The following ZNF573 variants were observed in gnomAD, a reference collection of about 807,000 sequenced individuals.
The protein encoded by ZNF573 is zinc finger protein 573.
In ZNF573, 41 loss-of-function variants were observed where a neutral mutation model predicts 57.4. That is an observed-to-expected ratio of 0.71 (90% CI 0.56 to 0.93). The LOEUF is 0.93. ZNF573 is among the 40% of genes least tolerant of loss of function. The probability of loss-of-function intolerance (pLI) is 0.00; values close to 1 mark genes in which losing one functional copy is unlikely to be tolerated. For missense variants in ZNF573, 730 were observed against 794.8 expected, an observed-to-expected ratio of 0.92 and a Z score of 0.98; for synonymous variants, 249 against 261.0, an observed-to-expected ratio of 0.95 and a Z score of 0.44.
intron 4 of ZNF573, among the ~76,000 whole-genome samples, chr19:37,758,253 A>G (rs1356292617): frequency 1.1e-5 from 1 of 95,120 alleles, no homozygotes; most frequent in African/African-American, 4.4e-5. Context: ...ATATATATAT[A>G]TATATATATA....
chr19:37,758,465 G>A (rs1247989641), intron 4 of ZNF573: 1 of 150,780 alleles, frequency 6.6e-6, no homozygotes, highest in Non-Finnish European at 1.5e-5. Flanking sequence ...GCCAGGCTTG[G>A]TGGCACACAC....
At position 37,745,812 on chromosome 19, in the gene ZNF573, G is replaced by T. The variant is rs140459185; in HGVS notation, c.296-5618C>A. ...CTTTATAAGGGTTATAAATAATTCT[G>T]TATTTCTCTATTAACATGGTATGAA... On this transcript the variant is annotated intron_variant, in intron 4 of 4. Coordinates refer to ENST00000536220, the MANE Select transcript of ZNF573 (RefSeq NM_001172690.2). Among the ~76,000 whole-genome samples, 35 of 152,256 alleles carry T rather than the reference G, an allele frequency of 2.3e-4. No individual in the cohort carries two copies. The East Asian group carries it at 6.6e-3, about 29-fold the overall frequency.
At position 37,738,672 on chromosome 19, in the gene ZNF573, A is replaced by G. The variant is rs1464584426; in HGVS notation, c.1818T>C (p.Gly606=). 6.2e-7 allele frequency: 1 copy of G among 1,611,446 alleles called. No homozygotes were observed. Among genetic ancestry groups the G allele is most frequent in the Admixed American group, 1.7e-5 (1 of 59,400 alleles). The change falls in exon 5 of 5, where the codon GGT becomes GGC. Residue 606 remains glycine (G), a synonymous_variant. Transcript: ENST00000536220. ...YLTQHQKIHT[G]GKPYECKECG... ...ATTCTTTACATTCATAAGGTTTTCCACCAGTATGAATTTTCTGATGTTGGG... is the reference window on the plus strand; with the variant it reads ...ATTCTTTACATTCATAAGGTTTTCCGCCAGTATGAATTTTCTGATGTTGGG...
intron 4 of ZNF573, among the ~76,000 whole-genome samples, chr19:37,755,792 T>C (rs955078444): frequency 4.0e-5 from 6 of 150,726 alleles, no homozygotes; most frequent in Non-Finnish European, 7.4e-5. Flanking sequence ...AATGATTTAC[T>C]GTATTTAGAA....
intron 1 of ZNF573, chr19:37,778,649 T>C (rs1304111823): frequency 1.3e-5 from 2 of 152,048 alleles, no homozygotes; most frequent in African/African-American, 4.8e-5. Flanking sequence ...AAAAGCCAAC[T>C]AGCCTAAACA....
At position 37,770,761 on chromosome 19, in the gene ZNF573, G is replaced by A. The variant is rs527360159; in HGVS notation, c.203-664C>T. On this transcript the variant is annotated intron_variant, in intron 3 of 4. Coordinates refer to ENST00000536220, the MANE Select transcript of ZNF573 (RefSeq NM_001172690.2). The stretch of plus-strand genomic sequence containing the variant: ...AAGCAACAGAGCAAGATCCAGTCTC[G>A]AAAAAAATAAATAAATAAATAAGAT... Among the ~76,000 whole-genome samples the A allele has an allele frequency of 3.3e-4, 47 of 141,458 alleles. 1 individual carries two copies. The East Asian group carries it at 8.0e-3, about 24-fold the overall frequency. The allele number at this position is 141,458 out of a possible 152,430, so 92.8% of individuals were successfully genotyped here.
chr19:37,775,099 C>T (rs960336260), intron 1 of ZNF573, among the ~76,000 whole-genome samples: 1 of 150,704 alleles, frequency 6.6e-6, no homozygotes, highest in African/African-American at 2.4e-5. Context: ...TCACTGCAAA[C>T]TCAGGCTTCT....
intron 4 of ZNF573, among the ~76,000 whole-genome samples, chr19:37,753,918 A>G (rs1241298758): frequency 6.6e-6 from 1 of 152,218 alleles, no homozygotes; most frequent in Admixed American, 6.5e-5. Flanking sequence ...TTTCAACTAC[A>G]AAAATAGCCA....
chr19:37,748,822 G>C (rs1336160414), intron 4 of ZNF573, among the ~76,000 whole-genome samples: 1 of 151,644 alleles, frequency 6.6e-6, no homozygotes, highest in Non-Finnish European at 1.5e-5. Context: ...AGCTAACTCG[G>C]AGGCTGAGGC....
chr19:37,747,907 C>T (rs1223264949), intron 4 of ZNF573, among the ~76,000 whole-genome samples: 1 of 152,112 alleles, frequency 6.6e-6, no homozygotes, highest in African/African-American at 2.4e-5. Flanking sequence ...AGGATGGTCT[C>T]GATCTCCTGA....
At position 37,770,052 on chromosome 19, in the gene ZNF573, C is replaced by T. The variant is rs778180572; in HGVS notation, c.248G>A (p.Arg83Gln). The T allele has an allele frequency of 2.9e-5, 45 of 1,551,834 alleles. 1 individual carries two copies. The highest frequency in any genetic ancestry group is 3.6e-5 in the South Asian group (3 of 84,078). The change falls in exon 4 of 5, where the codon CGA becomes CAA. Residue 83 changes from arginine (R) to glutamine (Q), a missense_variant. By Grantham distance (43) the Arg-to-Gln change is conservative. Coordinates refer to ENST00000536220, the MANE Select transcript of ZNF573 (RefSeq NM_001172690.2). ...SKPVVVDLLE[R>Q]GKEPWMILRE... ...CAAAATCATCCAGGGCTCTTTTCCT[C>T]GCTCCAGTAAATCAACCACAACTGG...
chr19:37,745,047 G>C (rs984515697), intron 4 of ZNF573, among the ~76,000 whole-genome samples: 2 of 151,822 alleles, frequency 1.3e-5, no homozygotes, highest in African/African-American at 2.4e-5. Flanking sequence ...CTCCCAAAGT[G>C]CTGGGATTAC....
chr19:37,739,673 G>T lies in ZNF573; in HGVS notation c.817C>A (p.Pro273Thr). Reference sequence around the variant, plus strand: ...TTCCCACATTCCTTACATTTATATGGTTTTTCGCCAGTATGAACTCTCTGA... The same window carrying T: ...TTCCCACATTCCTTACATTTATATGTTTTTTCGCCAGTATGAACTCTCTGA... Reference protein sequence around the residue: ...IHQRVHTGEKPYKCKECGKTF... With the variant: ...IHQRVHTGEKTYKCKECGKTF... The change falls in exon 5 of 5, where the codon CCA becomes ACA. Residue 273 changes from proline to threonine, a missense_variant. By Grantham distance (38) the Pro-to-Thr change is conservative. Transcript: ENST00000536220. 1 of 1,613,862 alleles carries T rather than the reference G, an allele frequency of 6.2e-7. No individual in the cohort carries two copies. The highest frequency in any genetic ancestry group is 8.5e-7 in the Non-Finnish European group (1 of 1,179,952).
chr19:37,743,319 C>A (rs867135975), intron 4 of ZNF573, among the ~76,000 whole-genome samples: 639 of 99,698 alleles, frequency 6.4e-3, no homozygotes, highest in East Asian at 0.011. Flanking sequence ...GAATCCATCT[C>A]AAAAAAAAAA....
At position 37,739,957 on chromosome 19, in the gene ZNF573, G is replaced by GT. The variant is rs1468389345; in HGVS notation, c.532dup (p.Thr178AsnfsTer10). 2 of 1,614,012 alleles carry GT rather than the reference G, an allele frequency of 1.2e-6. No individual in the cohort carries two copies. The highest frequency in any genetic ancestry group is 1.3e-5 in the African/African-American group (1 of 74,928). The stretch of plus-strand genomic sequence containing the variant: ...ACCAGTATGAAATCTTTGATGTAGA[G>GT]TAAGTTGATAGCCACTACGAAAGTT... On this transcript the variant is annotated frameshift_variant, in exon 5 of 5. Transcript: ENST00000536220. LOFTEE classifies it high-confidence loss of function.
Position 37,740,570 on chromosome 19 carries a change from T to C in ZNF573, c.296-376A>G, listed in dbSNP as rs1280736477. ...GGTCAGTGTTTAAGAATACATCCTT[T>C]AAGTTTCTCGAGTGATTTTTCACTG... is the stretch of plus-strand genomic sequence containing the variant. On this transcript the variant is annotated intron_variant, in intron 4 of 4. Coordinates refer to ENST00000536220, the MANE Select transcript of ZNF573 (RefSeq NM_001172690.2). 5 of 460,032 alleles carry C rather than the reference T, an allele frequency of 1.1e-5. No homozygotes were observed. In the Admixed American group the frequency reaches 1.2e-4, roughly 11 times the overall value. The allele number at this position is 460,032 out of a possible 1,614,324, so 28.5% of individuals were successfully genotyped here. A position where few individuals can be genotyped will look rare whatever the true frequency, so the allele number is the denominator to read the frequency against.
Position 37,739,585 on chromosome 19 carries a change from T to C in ZNF573, c.905A>G (p.Tyr302Cys). 1 of 1,614,028 alleles carries C rather than the reference T, an allele frequency of 6.2e-7. No homozygotes were observed. Among genetic ancestry groups the C allele is most frequent in the South Asian group, 1.1e-5 (1 of 91,058 alleles). Reference protein sequence around the residue: ...HGQFHTDEKPYICEKCGKAFR... With the variant: ...HGQFHTDEKPCICEKCGKAFR... ...GGCCTTTCCACATTTCTCACATATG[T>C]ATGGCTTCTCATCAGTATGAAACTG... is the stretch of plus-strand genomic sequence containing the variant. The change falls in exon 5 of 5, where the codon TAC (tyrosine) becomes TGC (cysteine). Residue 302 changes from tyrosine (Y) to cysteine (C), a missense_variant. Physicochemically the swap from Tyr to Cys is radical, Grantham distance 194. Transcript: ENST00000536220.
chr19:37,773,278 A>G (rs1031033707), intron 2 of ZNF573, among the ~76,000 whole-genome samples: 3 of 152,194 alleles, frequency 2.0e-5, no homozygotes, highest in Admixed American at 6.5e-5. Context: ...ATTTGCCTAG[A>G]AAACTCAGGT....
chr19:37,762,370 G>C (rs2045560667), intron 4 of ZNF573, among the ~76,000 whole-genome samples: 1 of 152,180 alleles, frequency 6.6e-6, no homozygotes, highest in Admixed American at 6.5e-5. Flanking sequence ...GAGAAATTTG[G>C]ATGTGGACTG....
Sources: allele counts gnomAD v4.1 joint callset (sites outside exome capture counted in the v4.1 genomes callset), GRCh38; gene constraint gnomAD v4.1.1; transcripts MANE v1.5; gene names NCBI Gene and HGNC (gene_info 2026-07-23, HGNC 2026-07-21).